LRRC20: variants seen among roughly 807,000 people sequenced by gnomAD.
LRRC20 encodes the protein leucine-rich repeat-containing protein 20.
Under a neutral mutation model 14.4 loss-of-function variants are expected in LRRC20, and 11 were observed. That is an observed-to-expected ratio of 0.77 (90% CI 0.48 to 1.27). LRRC20 has a LOEUF of 1.27. Ranked by LOEUF, LRRC20 falls within the 50% of genes most tolerant of loss-of-function variation. The pLI is 0.00. For missense variants in LRRC20, 219 were observed against 251.2 expected, an observed-to-expected ratio of 0.87 and a Z score of 0.87; for synonymous variants, 121 against 107.3, an observed-to-expected ratio of 1.13 and a Z score of -0.79.
intron 4 of LRRC20, among the ~76,000 whole-genome samples, chr10:70,314,251 C>T (rs964185207): frequency 3.3e-5 from 5 of 151,904 alleles, no homozygotes; most frequent in African/African-American, 9.7e-5. Context: ...GAAACTGGCT[C>T]AGCTGATCTT....
At chr10:70,382,172 T>G (rs1390572583) in intron 1 of LRRC20, among the ~76,000 whole-genome samples, 1 of 152,184 alleles carries the variant, frequency 6.6e-6, no homozygotes, top group Non-Finnish European at 1.5e-5. Flanking sequence ...AAGTGTCGCT[T>G]CGGGGACGAA....
At chr10:70,379,300 C>A (rs1273073056) in intron 1 of LRRC20, among the ~76,000 whole-genome samples, 1 of 152,188 alleles carries the variant, frequency 6.6e-6, no homozygotes, top group Non-Finnish European at 1.5e-5. Flanking sequence ...GCCTCGAAGA[C>A]CGTACCCCTA....
chr10:70,304,912 C>T (rs117752797), intron 4 of LRRC20, among the ~76,000 whole-genome samples: 10,360 of 152,242 alleles, frequency 0.068, 624 homozygotes, highest in Non-Finnish European at 0.085. Context: ...ATGCCAGCCA[C>T]GGTGGCTCAC....
intron 2 of LRRC20, among the ~76,000 whole-genome samples, chr10:70,367,135 G>A (rs994060326): frequency 4.6e-5 from 7 of 151,698 alleles, no homozygotes; most frequent in African/African-American, 7.3e-5. Flanking sequence ...GACCAGCCTC[G>A]CCAACACAGG....
At chr10:70,302,207 G>A (rs1483221214) in intron 4 of LRRC20, among the ~76,000 whole-genome samples, 2 of 152,126 alleles carry the variant, frequency 1.3e-5, no homozygotes, top group African/African-American at 2.4e-5. Flanking sequence ...CCAGCTACTT[G>A]GGAGGCTGTG....
intron 2 of LRRC20, among the ~76,000 whole-genome samples, chr10:70,367,229 G>A (rs1317893583): frequency 6.6e-6 from 1 of 151,516 alleles, no homozygotes; most frequent in Non-Finnish European, 1.5e-5. Flanking sequence ...GGAGGCTGAG[G>A]TGGGAGGACG....
In LRRC20 at chr10:70,305,021, C is replaced by T. The variant is rs144912711; in HGVS notation, c.401-3513G>A. On this transcript the variant is annotated intron_variant, in intron 4 of 4. Transcript: ENST00000446961. ...CCAACACAGTGAAACCCTGTCTCTA[C>T]TAAATACAAAAAATTAGCCGGGTGT... Among the ~76,000 whole-genome samples the T allele has an allele frequency of 8.5e-3, 1,294 of 152,220 alleles. 22 individuals carry two copies. The highest frequency in any genetic ancestry group is 0.03 in the African/African-American group (1,245 of 41,536).
At chr10:70,325,496 C>T (rs1045135997) in intron 3 of LRRC20, among the ~76,000 whole-genome samples, 9 of 152,208 alleles carry the variant, frequency 5.9e-5, no homozygotes, top group Admixed American at 3.3e-4. Flanking sequence ...CTCTCCCTCA[C>T]CCTCACCCAG....
At chr10:70,344,340 C>A (rs989071399) in intron 2 of LRRC20, among the ~76,000 whole-genome samples, 10 of 151,908 alleles carry the variant, frequency 6.6e-5, no homozygotes, top group Admixed American at 1.3e-4. Context: ...CCTCAGAAAC[C>A]CAAAACAGTC....
At chr10:70,376,759 C>T (rs1040604756) in intron 1 of LRRC20, 163 bp from the exon 2 acceptor site, 1 of 562,404 alleles carries the variant, frequency 1.8e-6, no homozygotes, top group Non-Finnish European at 3.2e-6. Context: ...GCTCAGGCCA[C>T]ATCCAGCTTG....
chr10:70,319,128 T>C (rs2136929550), intron 4 of LRRC20, among the ~76,000 whole-genome samples: 1 of 151,280 alleles, frequency 6.6e-6, no homozygotes, highest in Middle Eastern at 3.4e-3. Flanking sequence ...TGAAGACTTG[T>C]TTTCCTCTAA....
intron 3 of LRRC20, among the ~76,000 whole-genome samples, chr10:70,336,214 A>G (rs1419398433): frequency 6.6e-6 from 1 of 152,174 alleles, no homozygotes. Flanking sequence ...GTGCATTCCC[A>G]CAGCCACACC....
chr10:70,344,905 T>A (rs2137035966), intron 2 of LRRC20, among the ~76,000 whole-genome samples: 1 of 152,310 alleles, frequency 6.6e-6, no homozygotes, highest in East Asian at 1.9e-4. Flanking sequence ...TATGTGAAGA[T>A]ATAACATGTC....
chr10:70,376,391 T>A, intron 2 of LRRC20, 61 bp downstream of exon 2: 2 of 1,545,788 alleles, frequency 1.3e-6, no homozygotes, highest in South Asian at 2.2e-5. Context: ...CTCTGTTTCA[T>A]TTCTAAGCTG....
chr10:70,381,190 C>T (rs1482282111), intron 1 of LRRC20, among the ~76,000 whole-genome samples: 1 of 152,212 alleles, frequency 6.6e-6, no homozygotes, highest in African/African-American at 2.4e-5. Context: ...GGAAATACCA[C>T]CTTCCTCACC....
intron 3 of LRRC20, 42 bp downstream of exon 3, chr10:70,340,511 G>C (rs750147130): frequency 1.3e-5 from 21 of 1,612,306 alleles, no homozygotes; most frequent in Admixed American, 1.7e-5. Flanking sequence ...TGAACGATGA[G>C]AGCTGGCCAT....
chr10:70,332,769 T>A (rs940103325), intron 3 of LRRC20, among the ~76,000 whole-genome samples: 5 of 152,256 alleles, frequency 3.3e-5, no homozygotes, highest in Non-Finnish European at 7.3e-5. Context: ...GCTACTATTA[T>A]GAAGTATATT....
intron 1 of LRRC20, among the ~76,000 whole-genome samples, chr10:70,377,489 A>T (rs1844551458): frequency 6.6e-6 from 1 of 152,198 alleles, no homozygotes. Context: ...GAATAGGGTC[A>T]GCCCAGCTCC....
At chr10:70,376,420 G>A in intron 2 of LRRC20, 32 bp downstream of exon 2, 2 of 1,607,150 alleles carry the variant, frequency 1.2e-6, no homozygotes, top group Non-Finnish European at 1.7e-6. Flanking sequence ...ACTGCTTCCA[G>A]GGAAGTTGGG....
Sources: allele counts gnomAD v4.1 joint callset (sites outside exome capture counted in the v4.1 genomes callset), GRCh38; gene constraint gnomAD v4.1.1; transcripts MANE v1.5; gene names NCBI Gene and HGNC (gene_info 2026-07-23, HGNC 2026-07-21).